TMEM117: variants seen among roughly 807,000 people sequenced by gnomAD.
The protein encoded by TMEM117 is transmembrane protein 117.
TMEM117 carries 27 observed loss-of-function variants against 52.4 expected under a neutral mutation model. The ratio of observed to expected loss-of-function variants is 0.51; its 90% CI spans 0.38 to 0.71. The LOEUF (loss-of-function observed/expected upper bound fraction) is 0.71, where lower values mean the gene tolerates loss of function less well. Ranked by LOEUF, TMEM117 falls within the 30% of genes least tolerant of loss-of-function variation. The pLI is 0.00. For synonymous variants in TMEM117, 215 were observed against 206.3 expected, an observed-to-expected ratio of 1.04 and a Z score of -0.36; for missense variants, 556 against 630.5, an observed-to-expected ratio of 0.88 and a Z score of 1.26.
At chr12:43,865,309 T>G (rs1196779018) in intron 2 of TMEM117, among the ~76,000 whole-genome samples, 1 of 152,170 alleles carries the variant, frequency 6.6e-6, no homozygotes, top group African/African-American at 2.4e-5. Context: ...CTTTACCTTC[T>G]AACTTGGGCA....
chr12:44,224,320 T>G (rs1157129748), intron 5 of TMEM117, among the ~76,000 whole-genome samples: 1 of 152,178 alleles, frequency 6.6e-6, no homozygotes, highest in African/African-American at 2.4e-5. Flanking sequence ...TTTTATTTGT[T>G]AATCTGCCCA....
intron 3 of TMEM117, among the ~76,000 whole-genome samples, chr12:43,999,684 G>A (rs1316066502): frequency 6.6e-6 from 1 of 152,058 alleles, no homozygotes; most frequent in African/African-American, 2.4e-5. Flanking sequence ...TAGAGACGGG[G>A]TTTCACCATG....
chr12:44,333,442 A>G (rs1290882833), intron 6 of TMEM117, among the ~76,000 whole-genome samples: 1 of 152,022 alleles, frequency 6.6e-6, no homozygotes, highest in African/African-American at 2.4e-5. Context: ...TGTAGTTCCC[A>G]TAAGCCTGAC....
At chr12:44,045,406 G>T (rs1394940713) in intron 3 of TMEM117, among the ~76,000 whole-genome samples, 1 of 152,182 alleles carries the variant, frequency 6.6e-6, no homozygotes. Flanking sequence ...CGCTAGAATA[G>T]ACATTTACTC....
At chr12:43,944,501 C>T (rs1231267005) in intron 3 of TMEM117, among the ~76,000 whole-genome samples, 159 bp downstream of exon 3, 3 of 151,538 alleles carry the variant, frequency 2.0e-5, no homozygotes, top group East Asian at 1.9e-4. Context: ...AAGACATTAA[C>T]ATTTTTTTTT....
At chr12:44,256,376 T>C (rs1040716099) in intron 5 of TMEM117, among the ~76,000 whole-genome samples, 5 of 152,014 alleles carry the variant, frequency 3.3e-5, no homozygotes, top group African/African-American at 1.2e-4. Flanking sequence ...AAATGTCATG[T>C]TTTAACCTTT....
intron 3 of TMEM117, among the ~76,000 whole-genome samples, chr12:44,083,234 G>C (rs1947511304): frequency 1.3e-5 from 2 of 151,568 alleles, no homozygotes; most frequent in Non-Finnish European, 2.9e-5. Context: ...TGTTCAACTT[G>C]GATATTGAAC....
At chr12:44,312,148 T>TATG (rs1950998872) in intron 6 of TMEM117, among the ~76,000 whole-genome samples, 1 of 151,966 alleles carries the variant, frequency 6.6e-6, no homozygotes, top group African/African-American at 2.4e-5. Flanking sequence ...TGAATGATCC[T>TATG]ATGAATGATC....
intron 3 of TMEM117, among the ~76,000 whole-genome samples, chr12:44,133,135 A>T (rs935445210): frequency 6.6e-6 from 1 of 152,212 alleles, no homozygotes; most frequent in Admixed American, 6.5e-5. Flanking sequence ...GATTACAGAC[A>T]TTATAAGGGA....
chr12:43,971,618 C>G (rs1320748937), intron 3 of TMEM117, among the ~76,000 whole-genome samples: 1 of 152,164 alleles, frequency 6.6e-6, no homozygotes, highest in Non-Finnish European at 1.5e-5. Context: ...GAAAACTTTC[C>G]TAACGCCTTA....
At chr12:44,042,805 CA>C (rs1565804580) in intron 3 of TMEM117, among the ~76,000 whole-genome samples, 201 of 131,040 alleles carry the variant, frequency 1.5e-3, no homozygotes, top group South Asian at 8.3e-3. Flanking sequence ...CACACACACA[CA>C]CACTTATTAG....
intron 1 of TMEM117, among the ~76,000 whole-genome samples, chr12:43,838,147 T>G (rs1943062166): frequency 6.6e-6 from 1 of 152,200 alleles, no homozygotes; most frequent in Non-Finnish European, 1.5e-5. Flanking sequence ...TAACCTGTAT[T>G]AGGCACTTGC....
chr12:43,859,654 A>T (rs1943456264), intron 2 of TMEM117, among the ~76,000 whole-genome samples: 1 of 152,176 alleles, frequency 6.6e-6, no homozygotes, highest in African/African-American at 2.4e-5. Context: ...GGTATAACTG[A>T]CCTCAAGTGA....
chr12:44,259,709 TAAC>T (rs1950299493), intron 5 of TMEM117, among the ~76,000 whole-genome samples: 1 of 152,150 alleles, frequency 6.6e-6, no homozygotes, highest in Non-Finnish European at 1.5e-5. Flanking sequence ...GAGTAAATAA[TAAC>T]AGTGGCCATA....
intron 3 of TMEM117, among the ~76,000 whole-genome samples, chr12:44,063,563 A>T (rs897761059): frequency 2.5e-4 from 38 of 151,708 alleles, no homozygotes; most frequent in African/African-American, 9.2e-4. Context: ...GGTGTGCTGC[A>T]CCCATTAACT....
intron 5 of TMEM117, among the ~76,000 whole-genome samples, chr12:44,235,894 T>G (rs746777170): frequency 1.5e-4 from 23 of 151,900 alleles, no homozygotes; most frequent in Non-Finnish European, 2.7e-4. Context: ...CTTGAAATTC[T>G]TTTTTACATT....
At chr12:43,883,410 A>G (rs1051993094) in intron 2 of TMEM117, among the ~76,000 whole-genome samples, 10 of 152,216 alleles carry the variant, frequency 6.6e-5, no homozygotes, top group South Asian at 2.1e-4. Flanking sequence ...AAAAATAACT[A>G]TGAAATAGCT....
the TMEM117 span, among the ~76,000 whole-genome samples, chr12:43,825,726 T>C: frequency 6.6e-6 from 1 of 152,186 alleles, no homozygotes; most frequent in African/African-American, 2.4e-5. Context: ...ATAAGAGTTA[T>C]TTAGGAAGTT....
At position 43,959,077 on chromosome 12, in the gene TMEM117, C is replaced by G. The variant is rs561628922; in HGVS notation, c.410+14735C>G. On this transcript the variant is annotated intron_variant, in intron 3 of 7. Transcript: ENST00000266534. ...CCGCCTTGGCCTCCCAAAGTGCTGG[C>G]ATTACAGGCGTGAGCCACCGCGCCC... Among the ~76,000 whole-genome samples the G allele has an allele frequency of 1.4e-3, 214 of 152,066 alleles. 4 individuals are homozygous for G. The South Asian group carries it at 0.024, about 17-fold the overall frequency.
Sources: gnomAD v4.1 joint callset for allele counts (sites outside exome capture counted in the v4.1 genomes callset) on GRCh38, gnomAD v4.1.1 for gene constraint, MANE v1.5 for transcripts, NCBI Gene and HGNC (gene_info 2026-07-23, HGNC 2026-07-21) for gene names.